The following RUSC2 variants were observed in gnomAD, a reference collection of about 807,000 sequenced individuals.
RUSC2 encodes the protein AP-4 complex accessory subunit RUSC2.
In RUSC2, 34 loss-of-function variants were observed where a neutral mutation model predicts 122.2. That is an observed-to-expected ratio of 0.28 (90% CI 0.21 to 0.37). The LOEUF is 0.37. Among genes scored for constraint, RUSC2 ranks in the 10% least tolerant of loss-of-function variants. The pLI, the probability that RUSC2 is intolerant of heterozygous loss-of-function variation, is 1.00. For synonymous variants in RUSC2, 784 were observed against 790.0 expected (o/e 0.99, Z 0.13); for missense variants, 1,747 against 1,952.4 (o/e 0.89, Z 1.98).
intron 1 of RUSC2, among the ~76,000 whole-genome samples, chr9:35,492,622 A>G (rs937687705): frequency 2.6e-5 from 4 of 152,174 alleles, no homozygotes; most frequent in African/African-American, 4.8e-5. Context: ...CCTAACAACA[A>G]CAAAATAACT....
In RUSC2 at chr9:35,560,583, C is replaced by A; in HGVS notation, c.3943C>A (p.Pro1315Thr). 2 of 1,613,906 alleles carry A rather than the reference C, an allele frequency of 1.2e-6. No individual in the cohort carries two copies. The highest frequency in any genetic ancestry group is 2.7e-5 in the African/African-American group (2 of 75,054). ...AGGAGGTGGGGGACCTCCCCAGGCT[C>A]CACCACCCCGAGAGGGAGTAGTGGA... ...GAGGGGPPQA[P>T]PPREGVVEGA... Residue 1315 changes from proline to threonine, a missense_variant, in exon 10 of 12, where the codon CCA becomes ACA. Coordinates refer to ENST00000361226, the MANE Select transcript of RUSC2 (RefSeq NM_014806.5).
chr9:35,495,022 TTA>T (rs1263856204), intron 1 of RUSC2, among the ~76,000 whole-genome samples: 4 of 35,046 alleles, frequency 1.1e-4, no homozygotes, highest in Admixed American at 4.6e-4. Context: ...AGTATATATT[TTA>T]TATATTATAT....
At chr9:35,530,730 C>T (rs1191836478) in intron 1 of RUSC2, among the ~76,000 whole-genome samples, 1 of 151,994 alleles carries the variant, frequency 6.6e-6, no homozygotes, top group Non-Finnish European at 1.5e-5. Context: ...ACCTCTGCCT[C>T]CTGGGTTCAT....
At chr9:35,537,223 A>T (rs1396447882) in intron 1 of RUSC2, among the ~76,000 whole-genome samples, 1 of 152,226 alleles carries the variant, frequency 6.6e-6, no homozygotes, top group Non-Finnish European at 1.5e-5. Context: ...AGCACAATGC[A>T]TGACTTAGCC....
chr9:35,560,660 C>G lies in RUSC2; in HGVS notation c.4020C>G (p.Gly1340=). Residue 1340 remains glycine, a synonymous_variant, in exon 10 of 12, where the codon GGC becomes GGG. Coordinates refer to ENST00000361226, the MANE Select transcript of RUSC2 (RefSeq NM_014806.5). ...ASEEALGRER[G]WPFWMGSPPD... The stretch of plus-strand genomic sequence containing the variant: ...AGGAGGCCCTGGGCCGGGAAAGGGG[C>G]TGGCCCTTCTGGATGGGGAGCCCCC... 1 of 1,584,564 alleles carries G rather than the reference C, an allele frequency of 6.3e-7. No homozygotes were observed. The highest frequency in any genetic ancestry group is 8.6e-7 in the Non-Finnish European group (1 of 1,164,622).
In RUSC2 at chr9:35,518,946, T is replaced by C. The variant is rs980823302; in HGVS notation, c.-92-27484T>C. ...TCAATGCAGCCAATTTGTGTGTGTG[T>C]ATGTGTGTACCCTGTCCAGAACAAC... On this transcript the variant is annotated intron_variant, in intron 1 of 11. Coordinates refer to ENST00000361226, the MANE Select transcript of RUSC2 (RefSeq NM_014806.5). Among the ~76,000 whole-genome samples the C allele has an allele frequency of 3.3e-5, 5 of 152,210 alleles. No individual in the cohort carries two copies. The South Asian group carries it at 1.0e-3, about 32-fold the overall frequency.
At chr9:35,554,154 C>T (rs191848910) in intron 2 of RUSC2, among the ~76,000 whole-genome samples, 18 of 152,280 alleles carry the variant, frequency 1.2e-4, no homozygotes, top group Middle Eastern at 3.4e-3. Flanking sequence ...TACGTTTATT[C>T]GGAGATCTAC....
rs1019857308 is a variant in RUSC2, at chr9:35,557,173, C to T, written c.2983+725C>T. ...AAATAAGTGACCACTGAACTAAGAA[C>T]ATTTTTAGGGAGATGGAGAGAACTG... On this transcript the variant is annotated intron_variant, in intron 5 of 11. Transcript: ENST00000361226. The surrounding 1 kb of genome is among the most constrained non-coding windows in gnomAD (Gnocchi z 4.6). 6.6e-6 allele frequency among the ~76,000 whole-genome samples: 1 copy of T among 152,108 alleles called. No homozygotes were observed. The highest frequency in any genetic ancestry group is 1.5e-5 in the Non-Finnish European group (1 of 68,036).
rs60187273 is a variant in RUSC2 at position 35,534,479 on chromosome 9, T to C, written c.-92-11951T>C. Among the ~76,000 whole-genome samples the C allele has an allele frequency of 4.2e-3, 641 of 151,428 alleles. 24 individuals are homozygous for C. The East Asian group carries it at 0.09, about 21-fold the overall frequency. On this transcript the variant is annotated intron_variant, in intron 1 of 11. Coordinates refer to ENST00000361226, the MANE Select transcript of RUSC2 (RefSeq NM_014806.5). ...ACACAATCCTTTGCTCGTTTTTATT[T>C]ATTTACTTATTTATTTTTTTGAGAC... is the stretch of plus-strand genomic sequence containing the variant.
In RUSC2 at chr9:35,560,109, C is replaced by T; in HGVS notation, c.3469C>T (p.Leu1157=). The T allele has an allele frequency of 6.2e-7, 1 of 1,613,154 alleles. No homozygotes were observed. Among genetic ancestry groups the T allele is most frequent in the Non-Finnish European group, 8.5e-7 (1 of 1,179,982 alleles). ...GTGTCCCGGCCTCTTTGAAGAGCTG[C>T]TGCTGCTGCTACAGCCCCTGGCCCT... ...TVCPGLFEEL[L]LLLQPLALLP... Residue 1157 remains leucine (L), a synonymous_variant, in exon 10 of 12, where the codon CTG becomes TTG. Coordinates refer to ENST00000361226, the MANE Select transcript of RUSC2 (RefSeq NM_014806.5).
Position 35,520,928 on chromosome 9 carries a change from G to A in RUSC2, c.-92-25502G>A, listed in dbSNP as rs182804909. On this transcript the variant is annotated intron_variant, in intron 1 of 11. Coordinates refer to ENST00000361226, the MANE Select transcript of RUSC2 (RefSeq NM_014806.5). Reference sequence around the variant, plus strand: ...CTCCATCACCTCATCTGAAGAACTCGGTCTGTCAAGGTAGGAACCAAATCT... The same window carrying A: ...CTCCATCACCTCATCTGAAGAACTCAGTCTGTCAAGGTAGGAACCAAATCT... Among the ~76,000 whole-genome samples, 24 of 152,114 alleles carry A rather than the reference G, an allele frequency of 1.6e-4. 1 individual carries two copies. In the East Asian group the frequency reaches 3.9e-3, roughly 24 times the overall value.
chr9:35,530,272 A>G (rs1456695121), intron 1 of RUSC2, among the ~76,000 whole-genome samples: 1 of 152,006 alleles, frequency 6.6e-6, no homozygotes, highest in Non-Finnish European at 1.5e-5. Flanking sequence ...AGCTTTATCA[A>G]ACATCATTGG....
At position 35,556,459 on chromosome 9, in the gene RUSC2, C is replaced by G. The variant is rs746082820; in HGVS notation, c.2983+11C>G. The G allele has an allele frequency of 3.1e-6, 5 of 1,612,540 alleles. No individual in the cohort carries two copies. The African/African-American group carries it at 6.7e-5, about 22-fold the overall frequency. On this transcript the variant is annotated intron_variant, in intron 5 of 11. Coordinates refer to ENST00000361226, the MANE Select transcript of RUSC2 (RefSeq NM_014806.5). The stretch of plus-strand genomic sequence containing the variant: ...TGCTTCAGAAAAAAGGTGCATACAA[C>G]CCCCAGCTCAGGCCAGGGACTCTGC...
At chr9:35,559,127 C>CGT in intron 8 of RUSC2, 99 bp from the exon 9 acceptor site, 1 of 919,250 alleles carries the variant, frequency 1.1e-6, no homozygotes, top group South Asian at 1.3e-5. Context: ...CATGGAAGGG[C>CGT]GTGTTCACCT....
intron 1 of RUSC2, among the ~76,000 whole-genome samples, chr9:35,516,822 C>T (rs1347078960): frequency 6.6e-6 from 1 of 152,118 alleles, no homozygotes; most frequent in Admixed American, 6.5e-5. Flanking sequence ...AGGGTGTTTT[C>T]ATTCATAAGC....
chr9:35,556,106 T>C lies in RUSC2; in HGVS notation c.2811T>C (p.Ser937=). 1 of 1,614,168 alleles carries C rather than the reference T, an allele frequency of 6.2e-7. No homozygotes were observed. The highest frequency in any genetic ancestry group is 8.5e-7 in the Non-Finnish European group (1 of 1,180,012). Residue 937 remains serine, a synonymous_variant, in exon 4 of 12, where the codon AGT becomes AGC. Transcript: ENST00000361226. ...NPIFEFPGSL[S]AASHLNCRLN... ...TCTTTGAGTTCCCTGGCTCCCTCAG[T>C]GCTGCCAGCCATCTGAACTGCCGGC...
In RUSC2 at chr9:35,498,685, C is replaced by T. The variant is rs569989364; in HGVS notation, c.-93+8513C>T. On this transcript the variant is annotated intron_variant, in intron 1 of 11. Transcript: ENST00000361226. ...CATCCTGGCCAACATGGTGAAACCC[C>T]ATGTCTACTAAAATTCAAAAAAAAA... 6.1e-3 allele frequency among the ~76,000 whole-genome samples: 924 copies of T among 151,246 alleles called. 8 individuals are homozygous for T. Among genetic ancestry groups the T allele is most frequent in the Non-Finnish European group, 7.9e-3 (537 of 67,856 alleles).
At chr9:35,491,783 CT>C (rs1820573112) in intron 1 of RUSC2, among the ~76,000 whole-genome samples, 2 of 152,148 alleles carry the variant, frequency 1.3e-5, no homozygotes, top group African/African-American at 4.8e-5. Flanking sequence ...AACCCCATCT[CT>C]ACTAAAAATA....
intron 1 of RUSC2, among the ~76,000 whole-genome samples, chr9:35,495,051 A>ATATATACTATAGTATATATT (rs1564239965): frequency 1.9e-4 from 4 of 20,824 alleles, no homozygotes; most frequent in African/African-American, 1.0e-3. Context: ...TAGTATATAT[A>ATATATACTATAGTATATATT]ATATATACTA....
Sources: allele counts gnomAD v4.1 joint callset (sites outside exome capture counted in the v4.1 genomes callset), GRCh38; gene constraint gnomAD v4.1.1; non-coding constraint Gnocchi (gnomAD v3.1); transcripts MANE v1.5; gene names NCBI Gene and HGNC (gene_info 2026-07-23, HGNC 2026-07-21).